The following SGCZ variants were observed in gnomAD, a reference collection of about 807,000 sequenced individuals.
SGCZ encodes sarcoglycan zeta.
SGCZ carries 40 observed loss-of-function variants against 41.3 expected under a neutral mutation model. That is an observed-to-expected ratio of 0.97 (90% CI 0.75 to 1.26). The LOEUF is 1.26. Ranked by LOEUF, SGCZ falls within the 50% of genes most tolerant of loss-of-function variation. The pLI is 0.00. For synonymous variants in SGCZ, 206 were observed against 137.5 expected (o/e 1.50, Z -3.49); for missense variants, 552 against 369.8 (o/e 1.49, Z -4.04).
intron 1 of SGCZ, among the ~76,000 whole-genome samples, chr8:14,581,668 A>G (rs918924877): frequency 6.6e-6 from 1 of 152,144 alleles, no homozygotes; most frequent in East Asian, 1.9e-4. Context: ...AAGAGTTACT[A>G]TTCTTCTCTA....
chr8:14,884,485 T>A (rs192476936), intron 1 of SGCZ, among the ~76,000 whole-genome samples: 90 of 152,156 alleles, frequency 5.9e-4, no homozygotes, highest in African/African-American at 2.0e-3. Context: ...GGTGGGTAGA[T>A]GGTAAAGACC....
intron 2 of SGCZ, among the ~76,000 whole-genome samples, chr8:14,512,098 A>G (rs1010765286): frequency 6.6e-5 from 10 of 152,114 alleles, no homozygotes; most frequent in South Asian, 6.2e-4. Flanking sequence ...GAAAACTAAA[A>G]CTTAGCCCTA....
At chr8:14,885,507 T>C (rs1804753703) in intron 1 of SGCZ, among the ~76,000 whole-genome samples, 1 of 152,172 alleles carries the variant, frequency 6.6e-6, no homozygotes, top group Non-Finnish European at 1.5e-5. Context: ...AGGAATGATC[T>C]TATTCTCAGT....
intron 5 of SGCZ, among the ~76,000 whole-genome samples, chr8:14,124,901 G>A (rs989223405): frequency 3.3e-5 from 5 of 152,054 alleles, no homozygotes; most frequent in Non-Finnish European, 5.9e-5. Context: ...AAGTAGAAAT[G>A]AAGCTGACCA....
At chr8:14,775,027 TAAAC>T (rs935455897) in intron 1 of SGCZ, among the ~76,000 whole-genome samples, 15 of 152,216 alleles carry the variant, frequency 9.9e-5, no homozygotes, top group African/African-American at 2.6e-4. Context: ...TTCAAGCACA[TAAAC>T]AAATTATTCA....
chr8:14,559,837 A>G (rs1000997674), intron 1 of SGCZ, among the ~76,000 whole-genome samples: 2 of 152,128 alleles, frequency 1.3e-5, no homozygotes, highest in African/African-American at 2.4e-5. Context: ...CCTATTTATT[A>G]TCATTATTAT....
intron 1 of SGCZ, among the ~76,000 whole-genome samples, chr8:14,823,162 T>G (rs1308898898): frequency 6.6e-6 from 1 of 151,334 alleles, no homozygotes; most frequent in Non-Finnish European, 1.5e-5. Flanking sequence ...TTCATGACAT[T>G]GGGCTAGGCA....
In SGCZ at chr8:14,695,084, T is replaced by C. The variant is rs1446307640; in HGVS notation, c.40-140158A>G. On this transcript the variant is annotated intron_variant, in intron 1 of 7. Transcript: ENST00000382080. ...CTTGCCTGAAAAGCAAAGTGACTAA[T>C]GTCCAAAGAAAATTGATGCTGATAG... Among the ~76,000 whole-genome samples the C allele has an allele frequency of 2.0e-5, 3 of 152,056 alleles. No individual in the cohort carries two copies. The East Asian group carries it at 5.8e-4, about 29-fold the overall frequency.
intron 2 of SGCZ, among the ~76,000 whole-genome samples, chr8:14,427,049 T>TGAATGAATGAATGAATGAGTGAATGAAC (rs1799803975): frequency 1.4e-5 from 2 of 143,326 alleles, no homozygotes; most frequent in South Asian, 4.3e-4. Flanking sequence ...AATGAATGAA[T>TGAATGAATGAATGAATGAGTGAATGAAC]GAATGAATGA....
chr8:14,918,508 C>T (rs764387674), intron 1 of SGCZ, among the ~76,000 whole-genome samples: 3 of 152,128 alleles, frequency 2.0e-5, no homozygotes, highest in Non-Finnish European at 4.4e-5. Flanking sequence ...GATCTTCCTA[C>T]TCACTAGAAA....
chr8:14,252,185 G>C (rs1270908553), intron 3 of SGCZ, among the ~76,000 whole-genome samples: 4 of 151,786 alleles, frequency 2.6e-5, no homozygotes, highest in African/African-American at 9.7e-5. Flanking sequence ...CCATCTCCCT[G>C]TCTCTCTGTG....
chr8:14,383,438 C>T (rs1391374308), intron 2 of SGCZ, among the ~76,000 whole-genome samples: 1 of 152,168 alleles, frequency 6.6e-6, no homozygotes, highest in African/African-American at 2.4e-5. Context: ...TCTCAGGTTA[C>T]ATATGATGTT....
chr8:14,432,897 G>C (rs569126132), intron 2 of SGCZ, among the ~76,000 whole-genome samples: 4 of 124,808 alleles, frequency 3.2e-5, no homozygotes, highest in Non-Finnish European at 4.8e-5. Context: ...CTGGGCAAAA[G>C]AGTGAGACTG....
At chr8:14,817,098 C>T (rs1306864432) in intron 1 of SGCZ, among the ~76,000 whole-genome samples, 2 of 152,162 alleles carry the variant, frequency 1.3e-5, no homozygotes, top group Non-Finnish European at 2.9e-5. Context: ...TTCATCTCCC[C>T]TTCCCAGTAG....
At chr8:14,179,632 C>T (rs1038213178) in intron 4 of SGCZ, among the ~76,000 whole-genome samples, 1 of 152,076 alleles carries the variant, frequency 6.6e-6, no homozygotes, top group African/African-American at 2.4e-5. Context: ...GCGTAAAAGA[C>T]AGGAAATGGG....
intron 1 of SGCZ, among the ~76,000 whole-genome samples, chr8:14,829,679 TC>T (rs1218965952): frequency 6.7e-6 from 1 of 148,410 alleles, no homozygotes; most frequent in Non-Finnish European, 1.5e-5. Context: ...TCTTCTATTT[TC>T]TTACGTCTTT....
intron 1 of SGCZ, among the ~76,000 whole-genome samples, chr8:15,060,610 C>T (rs1187501993): frequency 6.7e-6 from 1 of 148,640 alleles, no homozygotes; most frequent in Non-Finnish European, 1.5e-5. Flanking sequence ...CAACATGGCA[C>T]ATGTATACAT....
intron 1 of SGCZ, among the ~76,000 whole-genome samples, chr8:14,731,244 A>G (rs1810229467): frequency 6.6e-6 from 1 of 150,884 alleles, no homozygotes; most frequent in South Asian, 2.1e-4. Flanking sequence ...AGGGACATGG[A>G]TGAAGCTGGA....
chr8:14,864,160 A>C (rs76546345), intron 1 of SGCZ, among the ~76,000 whole-genome samples: 2,281 of 152,268 alleles, frequency 0.015, 29 homozygotes, highest in African/African-American at 0.039. Context: ...GATTTTCAGC[A>C]ATAGTCACCA....
Sources: allele counts gnomAD v4.1 joint callset (sites outside exome capture counted in the v4.1 genomes callset), GRCh38; gene constraint gnomAD v4.1.1; transcripts MANE v1.5; gene names NCBI Gene and HGNC (gene_info 2026-07-23, HGNC 2026-07-21).